The following SPATA13 variants were observed in gnomAD, a reference collection of about 807,000 sequenced individuals.
SPATA13 encodes spermatogenesis associated 13.
Under a neutral mutation model 104.0 loss-of-function variants are expected in SPATA13, and 50 were observed. The ratio of observed to expected loss-of-function variants is 0.48; its 90% CI spans 0.38 to 0.61. The LOEUF is 0.61. Among genes scored for constraint, SPATA13 ranks in the 20% least tolerant of loss-of-function variants. The probability of loss-of-function intolerance (pLI) is 0.00; values close to 1 mark genes in which losing one functional copy is unlikely to be tolerated. For missense variants in SPATA13, 1,524 were observed against 1,690.6 expected (o/e 0.90, Z 1.73); for synonymous variants, 606 against 667.5 (o/e 0.91, Z 1.42).
chr13:24,184,062 TGAG>T (rs1268584430), intron 1 of SPATA13, among the ~76,000 whole-genome samples: 1 of 151,988 alleles, frequency 6.6e-6, no homozygotes, highest in Non-Finnish European at 1.5e-5. Context: ...AGGACAGTCT[TGAG>T]AAGTGTGGAG....
At chr13:24,081,444 T>A (rs1470742462) in intron 3 of SPATA13, among the ~76,000 whole-genome samples, 3 of 152,162 alleles carry the variant, frequency 2.0e-5, no homozygotes, top group Non-Finnish European at 4.4e-5. Context: ...TATAGTGTTG[T>A]AGCATGTCTG....
intron 2 of SPATA13, among the ~76,000 whole-genome samples, chr13:23,989,481 G>T (rs1160126538): frequency 6.6e-6 from 1 of 151,858 alleles, no homozygotes; most frequent in Non-Finnish European, 1.5e-5. Context: ...AACGTAAGTA[G>T]CTTGGTATGA....
In SPATA13 at chr13:24,133,033, C is replaced by T. The variant is rs1881437053; in HGVS notation, c.-111-89786C>T. 2.0e-5 allele frequency among the ~76,000 whole-genome samples: 3 copies of T among 152,092 alleles called. No homozygotes were observed. In the South Asian group the frequency reaches 6.2e-4, roughly 32 times the overall value. ...GAAAGGAAACTTCATACATAGCACA[C>T]CTGGAGATGATATGACAGTTGAGGC... is the stretch of plus-strand genomic sequence containing the variant. On this transcript the variant is annotated intron_variant, in intron 3 of 14. Transcript: ENST00000424834.
chr13:24,013,909 T>A (rs1373699033), intron 2 of SPATA13, among the ~76,000 whole-genome samples: 1 of 152,156 alleles, frequency 6.6e-6, no homozygotes, highest in South Asian at 2.1e-4. Context: ...GGTAATGGAC[T>A]GTAGGCCTTT....
chr13:24,157,326 T>C (rs1482088646), upstream of SPATA13, among the ~76,000 whole-genome samples: 1 of 152,006 alleles, frequency 6.6e-6, no homozygotes, highest in African/African-American at 2.4e-5. Flanking sequence ...TGAGATGGAG[T>C]CTCGCTCTGT....
At position 24,223,149 on chromosome 13, in the gene SPATA13, C is replaced by G. The variant is rs748085530; in HGVS notation, c.220C>G (p.Arg74Gly). The stretch of plus-strand genomic sequence containing the variant: ...CAAACTCAGCCCAGCCAAGCTTGTG[C>G]GCCTCTTTTCCACCAGTCGGAAGAG... ...EAKLSPAKLV[R>G]LFSTSRKRTG... is the part of the protein sequence containing the mutation. The change falls in exon 2 of 13, where the codon CGC becomes GGC. Residue 74 changes from arginine (R) to glycine (G), a missense_variant. This residue lies in a region of SPATA13 where 1,089 missense variants were observed against 1,135.9 expected (regional missense o/e 0.96). Coordinates refer to ENST00000382108, the MANE Select transcript of SPATA13 (RefSeq NM_001166271.3). The G allele has an allele frequency of 1.3e-6, 2 of 1,551,588 alleles. No homozygotes were observed. The highest frequency in any genetic ancestry group is 1.7e-6 in the Non-Finnish European group (2 of 1,147,022).
chr13:24,014,147 A>G (rs9580828), intron 2 of SPATA13, among the ~76,000 whole-genome samples: 7,529 of 152,260 alleles, frequency 0.049, 609 homozygotes, highest in African/African-American at 0.17. Flanking sequence ...TGCAGGTGCC[A>G]GGGAAGGTCG....
intron 1 of SPATA13, among the ~76,000 whole-genome samples, chr13:24,201,407 G>C (rs999321268): frequency 1.3e-5 from 2 of 149,190 alleles, no homozygotes; most frequent in African/African-American, 5.0e-5. Context: ...GGTCAATATT[G>C]ATTTACTATT....
chr13:24,188,245 G>A (rs1247001009), intron 1 of SPATA13, among the ~76,000 whole-genome samples: 1 of 151,942 alleles, frequency 6.6e-6, no homozygotes, highest in African/African-American at 2.4e-5. Context: ...GGAGGCTGAG[G>A]CAGGAGAATC....
At chr13:24,050,675 C>G (rs1320484947) in intron 3 of SPATA13, among the ~76,000 whole-genome samples, 1 of 152,194 alleles carries the variant, frequency 6.6e-6, no homozygotes, top group Non-Finnish European at 1.5e-5. Context: ...AGTTCCAATG[C>G]AGGGATGTGG....
Position 24,303,014 on chromosome 13 carries a change from C to A in SPATA13, c.*241C>A. 1.8e-6 allele frequency: 1 copy of A among 546,528 alleles called. No individual in the cohort carries two copies. Among genetic ancestry groups the A allele is most frequent in the Non-Finnish European group, 3.3e-6 (1 of 304,278 alleles). 33.9% of individuals were successfully genotyped at this position (546,528 alleles called of 1,614,324 possible). A position where few individuals can be genotyped will look rare whatever the true frequency, so the allele number is the denominator to read the frequency against. ...CCTACACAGAAACACCCGTGACCCA[C>A]TATGAGATGGCCCAGATGTGGGACC... On this transcript the variant is annotated 3_prime_UTR_variant, in exon 13 of 13. Transcript: ENST00000382108.
At chr13:24,254,652 C>T (rs1481537866) in intron 4 of SPATA13, among the ~76,000 whole-genome samples, 1 of 152,190 alleles carries the variant, frequency 6.6e-6, no homozygotes, top group African/African-American at 2.4e-5. Context: ...TCACCACCCC[C>T]TCTATTATGA....
chr13:24,134,065 T>G (rs1881477194), intron 3 of SPATA13, among the ~76,000 whole-genome samples: 1 of 152,030 alleles, frequency 6.6e-6, no homozygotes, highest in African/African-American at 2.4e-5. Context: ...GGTAGGAAGA[T>G]GTAGCAAATG....
chr13:24,116,586 A>G (rs9551062), intron 3 of SPATA13, among the ~76,000 whole-genome samples: 16,928 of 152,070 alleles, frequency 0.11, 1,204 homozygotes, highest in East Asian at 0.31. Flanking sequence ...CTAGGAGTTC[A>G]TTTTACCCTC....
intron 2 of SPATA13, among the ~76,000 whole-genome samples, chr13:24,237,643 A>T (rs542432185): frequency 6.6e-6 from 1 of 152,182 alleles, no homozygotes; most frequent in South Asian, 2.1e-4. Flanking sequence ...GAATGTACTT[A>T]ATCCCACTGA....
intron 3 of SPATA13, among the ~76,000 whole-genome samples, chr13:24,042,341 G>A (rs763472984): frequency 3.9e-5 from 6 of 152,208 alleles, no homozygotes; most frequent in Admixed American, 6.5e-5. Context: ...AACATAAAAT[G>A]TAAAAGTTCA....
At chr13:24,257,503 A>T (rs1051207516) in intron 4 of SPATA13, among the ~76,000 whole-genome samples, 1 of 152,274 alleles carries the variant, frequency 6.6e-6, no homozygotes, top group African/African-American at 2.4e-5. Context: ...TATAAAAACT[A>T]GAGAAAATGC....
At chr13:24,132,417 A>G (rs557186544) in intron 3 of SPATA13, among the ~76,000 whole-genome samples, 1 of 152,242 alleles carries the variant, frequency 6.6e-6, no homozygotes, top group Non-Finnish European at 1.5e-5. Flanking sequence ...GAAGGCCAAG[A>G]GGCCAGAGTT....
At position 24,161,690 on chromosome 13, in the gene SPATA13, C is replaced by T. The variant is rs1242827234; in HGVS notation, c.-112+758C>T. On this transcript the variant is annotated intron_variant, in intron 1 of 12. Transcript: ENST00000382108. The surrounding 1 kb of genome is among the most constrained non-coding windows in gnomAD (Gnocchi z 4.5). The stretch of plus-strand genomic sequence containing the variant: ...AGCAAATTTCCCCTCCCTCCAAGTG[C>T]AGGAAAACCAAACCAAAGCAAGCAA... Among the ~76,000 whole-genome samples, 1 of 152,300 alleles carries T rather than the reference C, an allele frequency of 6.6e-6. No homozygotes were observed. Among genetic ancestry groups the T allele is most frequent in the South Asian group, 2.1e-4 (1 of 4,824 alleles).
Sources: allele counts gnomAD v4.1 joint callset (sites outside exome capture counted in the v4.1 genomes callset), GRCh38; gene constraint gnomAD v4.1.1; regional missense constraint gnomAD v4.1.1; non-coding constraint Gnocchi (gnomAD v3.1); transcripts MANE v1.5; gene names NCBI Gene and HGNC (gene_info 2026-07-23, HGNC 2026-07-21).